Variants in INPP4B observed in about 807,000 individuals in gnomAD.
INPP4B encodes inositol polyphosphate-4-phosphatase type II B.
In INPP4B, 55 loss-of-function variants were observed where a neutral mutation model predicts 122.5. That is an observed-to-expected ratio of 0.45 (90% confidence interval 0.36 to 0.56). The LOEUF (loss-of-function observed/expected upper bound fraction) is 0.56, where lower values mean the gene tolerates loss of function less well. Among genes scored for constraint, INPP4B ranks in the 20% least tolerant of loss-of-function variants. The pLI is 0.00. For missense variants in INPP4B, 1,000 were observed against 1,097.7 expected (o/e 0.91, Z 1.26); for synonymous variants, 403 against 388.7 (o/e 1.04, Z -0.43).
intron 9 of INPP4B, among the ~76,000 whole-genome samples, chr4:142,301,462 G>A (rs1053929545): frequency 2.0e-5 from 3 of 152,148 alleles, no homozygotes; most frequent in African/African-American, 7.2e-5. Context: ...AGGCTCTGGA[G>A]TCAGACCAAA....
At chr4:142,581,136 T>C (rs1379364519) in intron 2 of INPP4B, among the ~76,000 whole-genome samples, 3 of 152,030 alleles carry the variant, frequency 2.0e-5, no homozygotes. Flanking sequence ...AAAAATAACA[T>C]AGCAGAGAAA....
At chr4:142,278,190 G>A (rs1907117) in intron 9 of INPP4B, among the ~76,000 whole-genome samples, 121,350 of 151,732 alleles carry the variant, frequency 0.8, 49,030 homozygotes, top group East Asian at 0.93. Flanking sequence ...AACACAAGGA[G>A]CAGCCATTTG....
chr4:142,077,946 T>C (rs1771709460), intron 25 of INPP4B, among the ~76,000 whole-genome samples: 1 of 101,686 alleles, frequency 9.8e-6, no homozygotes, highest in African/African-American at 3.1e-5. Flanking sequence ...GGTGGGACTT[T>C]GCCTTTAACA....
At chr4:142,609,306 T>C (rs1357415606) in intron 2 of INPP4B, among the ~76,000 whole-genome samples, 1 of 152,104 alleles carries the variant, frequency 6.6e-6, no homozygotes, top group Non-Finnish European at 1.5e-5. Context: ...GGTTGCCTAC[T>C]AATTGCTGAG....
At chr4:142,723,154 TTG>T (rs1432171440) in intron 2 of INPP4B, among the ~76,000 whole-genome samples, 3 of 152,102 alleles carry the variant, frequency 2.0e-5, no homozygotes, top group African/African-American at 7.2e-5. Flanking sequence ...ATTTACAAAA[TTG>T]TGTTTACAGA....
At position 142,545,823 on chromosome 4, in the gene INPP4B, A is replaced by ATATATATACACACATATATATGTGTG. The variant is rs1560782754; in HGVS notation, c.-190-83098_-190-83097insCACACATATATATGTGTGTATATATA. On this transcript the variant is annotated intron_variant, in intron 2 of 25. Transcript: ENST00000262992. ...TATATATACACATATACATGTGTGT[A>ATATATATACACACATATATATGTGTG]TATATATATATATAAAATGGTCTGT... Among the ~76,000 whole-genome samples, 11 of 59,814 alleles carry ATATATATACACACATATATATGTGTG rather than the reference A, an allele frequency of 1.8e-4. No individual in the cohort carries two copies. The South Asian group carries it at 2.2e-3, about 12-fold the overall frequency. The allele number at this position is 59,814 out of a possible 152,430, so 39.2% of individuals were successfully genotyped here.
In INPP4B at chr4:142,112,572, C is replaced by T; in HGVS notation, c.2246G>A (p.Gly749Glu). The T allele has an allele frequency of 6.2e-7, 1 of 1,613,086 alleles. No individual in the cohort carries two copies. Among genetic ancestry groups the T allele is most frequent in the Non-Finnish European group, 8.5e-7 (1 of 1,179,458 alleles). Residue 749 changes from glycine to glutamate, a missense_variant, in exon 22 of 26, where the codon GGA (glycine) becomes GAA (glutamate). By Grantham distance (98) the Gly-to-Glu change is moderately conservative. Coordinates refer to ENST00000262992, the MANE Select transcript of INPP4B (RefSeq NM_001101669.3). ...LHVYPVLFNVGINEQQTLAER... is the reference protein window; with the variant it reads ...LHVYPVLFNVEINEQQTLAER... ...AGCCAGAGTTTGCTGTTCATTGATT[C>T]CAACATTAAAAAGTACTGGATACAC...
At chr4:142,123,470 T>C in intron 19 of INPP4B, 55 bp from the exon 20 acceptor site, 4 of 1,558,044 alleles carry the variant, frequency 2.6e-6, no homozygotes, top group Non-Finnish European at 3.5e-6. Flanking sequence ...ATTTGTTTTA[T>C]TTTGAAATAT....
Position 142,544,130 on chromosome 4 carries a change from G to GTGT in INPP4B, c.-190-81405_-190-81404insACA, listed in dbSNP as rs55638202. ...CACAAATACTGCATGGTGTGTGTGT[G>GTGT]GTGTGTGTGTGTGTGTGTGTGTGTG... is the stretch of plus-strand genomic sequence containing the variant. On this transcript the variant is annotated intron_variant, in intron 2 of 25. Coordinates refer to ENST00000262992, the MANE Select transcript of INPP4B (RefSeq NM_001101669.3). Among the ~76,000 whole-genome samples, 679 of 133,196 alleles carry GTGT rather than the reference G, an allele frequency of 5.1e-3. 27 individuals are homozygous for GTGT. Among genetic ancestry groups the GTGT allele is most frequent in the African/African-American group, 0.015 (515 of 34,970 alleles). The allele number at this position is 133,196 out of a possible 152,430, so 87.4% of individuals were successfully genotyped here. A position where few individuals can be genotyped will look rare whatever the true frequency, so the allele number is the denominator to read the frequency against.
intron 2 of INPP4B, among the ~76,000 whole-genome samples, chr4:142,563,281 G>A (rs1580376173): frequency 6.6e-6 from 1 of 152,200 alleles, no homozygotes; most frequent in African/African-American, 2.4e-5. Flanking sequence ...TGCTGTGTTT[G>A]AGAGTGTTGG....
At chr4:142,226,407 ATAGT>A (rs902267478) in intron 12 of INPP4B, among the ~76,000 whole-genome samples, 3 of 152,166 alleles carry the variant, frequency 2.0e-5, no homozygotes, top group African/African-American at 7.2e-5. Context: ...TTGTTTTTTG[ATAGT>A]TAGTCCCTTA....
At chr4:142,718,923 A>G (rs1764149756) in intron 2 of INPP4B, among the ~76,000 whole-genome samples, 1 of 152,216 alleles carries the variant, frequency 6.6e-6, no homozygotes, top group South Asian at 2.1e-4. Flanking sequence ...CCCTGAGCCT[A>G]TGAACTAGCT....
intron 2 of INPP4B, among the ~76,000 whole-genome samples, chr4:142,653,657 A>C (rs903744924): frequency 4.6e-5 from 7 of 152,208 alleles, no homozygotes; most frequent in Non-Finnish European, 8.8e-5. Flanking sequence ...ATGCAAATCA[A>C]AACCACAATG....
At chr4:142,116,960 CA>C (rs1462154786) in intron 21 of INPP4B, among the ~76,000 whole-genome samples, 3 of 151,720 alleles carry the variant, frequency 2.0e-5, no homozygotes, top group African/African-American at 7.3e-5. Context: ...ATAGATGCAA[CA>C]AAAAATGATA....
intron 9 of INPP4B, among the ~76,000 whole-genome samples, chr4:142,302,799 T>C (rs1013693841): frequency 6.6e-6 from 1 of 151,702 alleles, no homozygotes; most frequent in African/African-American, 2.4e-5. Context: ...ATAATTGAGA[T>C]AAAAAAGAAG....
At chr4:142,282,379 A>G (rs1354693095) in intron 9 of INPP4B, among the ~76,000 whole-genome samples, 1 of 152,110 alleles carries the variant, frequency 6.6e-6, no homozygotes. Context: ...TCAGATGGGT[A>G]TGTATTAGTT....
chr4:142,260,578 T>C lies in INPP4B; in HGVS notation c.616-14A>G, dbSNP rs1245234684. ...TACCAGGGCACACTAGGAAAAAATG[T>C]AAAAAAAAAAAAAAAATTTTGAGAA... On this transcript the variant is annotated splice_polypyrimidine_tract_variant and intron_variant, in intron 10 of 25. Transcript: ENST00000262992. 4 of 1,086,388 alleles carry C rather than the reference T, an allele frequency of 3.7e-6. No individual in the cohort carries two copies. In the South Asian group the frequency reaches 7.2e-5, roughly 19 times the overall value. 67.3% of individuals were successfully genotyped at this position (1,086,388 alleles called of 1,614,324 possible).
chr4:142,096,609 G>T (rs1403013887), intron 23 of INPP4B, among the ~76,000 whole-genome samples: 1 of 152,108 alleles, frequency 6.6e-6, no homozygotes, highest in African/African-American at 2.4e-5. Context: ...AGAAACAGAA[G>T]TGCTTCTAAA....
intron 1 of INPP4B, among the ~76,000 whole-genome samples, chr4:142,845,882 G>A (rs890214571): frequency 2.0e-5 from 3 of 152,104 alleles, no homozygotes; most frequent in Non-Finnish European, 4.4e-5. Context: ...GTTCCACGGG[G>A]GCCCGGAGAG....
Sources: allele counts gnomAD v4.1 joint callset (sites outside exome capture counted in the v4.1 genomes callset), GRCh38; gene constraint gnomAD v4.1.1; transcripts MANE v1.5; gene names NCBI Gene and HGNC (gene_info 2026-07-23, HGNC 2026-07-21).